The following POU2AF2 variants were observed in gnomAD, a reference collection of about 807,000 sequenced individuals.
POU2AF2 encodes POU domain class 2-associating factor 2.
the POU2AF2 span, among the ~76,000 whole-genome samples, chr11:111,282,885 C>A: frequency 2.6e-5 from 4 of 152,094 alleles, no homozygotes; most frequent in Non-Finnish European, 4.4e-5. Flanking sequence ...AAGTCTATGC[C>A]CTCAAACATG....
chr11:111,276,445 A>ATATAT, the POU2AF2 span, among the ~76,000 whole-genome samples: 8 of 29,696 alleles, frequency 2.7e-4, no homozygotes, highest in African/African-American at 7.2e-4. Context: ...AAAAGAAAAA[A>ATATAT]AAAAAAAAAT....
At chr11:111,280,057 A>AAAATATAT in the POU2AF2 span, among the ~76,000 whole-genome samples, 8 of 76,474 alleles carry the variant, frequency 1.0e-4, no homozygotes, top group African/African-American at 2.5e-4. Flanking sequence ...AAAAAAAAAA[A>AAAATATAT]ATATATATAT....
the POU2AF2 span, among the ~76,000 whole-genome samples, chr11:111,252,379 C>T: frequency 6.6e-6 from 1 of 152,088 alleles, no homozygotes; most frequent in African/African-American, 2.4e-5. Flanking sequence ...GGAGTAGGGT[C>T]GGCGAATTTG....
chr11:111,281,441 G>T, the POU2AF2 span: 2 of 1,613,728 alleles, frequency 1.2e-6, no homozygotes, highest in Admixed American at 1.7e-5. Context: ...CAGATGCCAG[G>T]TGAGTACTTT....
chr11:111,282,754 G>T, the POU2AF2 span, among the ~76,000 whole-genome samples: 2 of 152,166 alleles, frequency 1.3e-5, no homozygotes, highest in African/African-American at 2.4e-5. Context: ...AGGAAGACAG[G>T]CACTTATATC....
the POU2AF2 span, among the ~76,000 whole-genome samples, chr11:111,281,632 T>C: frequency 1.3e-5 from 2 of 152,226 alleles, no homozygotes; most frequent in African/African-American, 4.8e-5. Context: ...CATTTTGTCT[T>C]GAAAGCAGCC....
chr11:111,265,749 G>A, the POU2AF2 span, among the ~76,000 whole-genome samples: 14 of 152,030 alleles, frequency 9.2e-5, no homozygotes, highest in Admixed American at 8.5e-4. Flanking sequence ...CTGGATAGCA[G>A]CCTTGAAAGT....
chr11:111,284,295 A>T, the POU2AF2 span: 1 of 1,613,420 alleles, frequency 6.2e-7, no homozygotes, highest in Non-Finnish European at 8.5e-7. Context: ...CTGACGCCCA[A>T]CGCGGGCTCT....
At chr11:111,263,107 T>C in the POU2AF2 span, among the ~76,000 whole-genome samples, 2 of 152,218 alleles carry the variant, frequency 1.3e-5, no homozygotes, top group African/African-American at 4.8e-5. Context: ...ACTATAGCCC[T>C]CATGTTGTAT....
chr11:111,265,625 A>G, the POU2AF2 span, among the ~76,000 whole-genome samples: 1 of 152,316 alleles, frequency 6.6e-6, no homozygotes, highest in Middle Eastern at 3.4e-3. Context: ...GTAAATGCTC[A>G]GCATATGGCA....
chr11:111,278,394 C>T, the POU2AF2 span, among the ~76,000 whole-genome samples: 8 of 152,318 alleles, frequency 5.3e-5, no homozygotes, highest in South Asian at 1.7e-3. Flanking sequence ...TGCAATTGCA[C>T]GTTTGCATTC....
chr11:111,256,477 T>A, the POU2AF2 span, among the ~76,000 whole-genome samples: 25 of 152,330 alleles, frequency 1.6e-4, no homozygotes, highest in African/African-American at 5.5e-4. Flanking sequence ...TAAATCACAG[T>A]CAATAAATGC....
the POU2AF2 span, among the ~76,000 whole-genome samples, chr11:111,250,180 G>A: frequency 1.3e-5 from 2 of 152,068 alleles, no homozygotes; most frequent in African/African-American, 2.4e-5. Flanking sequence ...TTTTGGGGGG[G>A]TTGGGGGGTG....
chr11:111,279,396 T>C, the POU2AF2 span, among the ~76,000 whole-genome samples: 1 of 152,210 alleles, frequency 6.6e-6, no homozygotes, highest in South Asian at 2.1e-4. Flanking sequence ...TATCATCTCA[T>C]AGATAGCTCT....
chr11:111,279,353 C>A, the POU2AF2 span, among the ~76,000 whole-genome samples: 68 of 152,256 alleles, frequency 4.5e-4, no homozygotes, highest in African/African-American at 1.6e-3. Context: ...TAACAAGTTA[C>A]CACAAATGGG....
the POU2AF2 span, among the ~76,000 whole-genome samples, chr11:111,251,153 T>G: frequency 6.6e-6 from 1 of 152,190 alleles, no homozygotes; most frequent in Non-Finnish European, 1.5e-5. Context: ...TCTACATTAC[T>G]GTAGAAATTG....
At chr11:111,279,386 T>C in the POU2AF2 span, among the ~76,000 whole-genome samples, 1 of 152,244 alleles carries the variant, frequency 6.6e-6, no homozygotes, top group Non-Finnish European at 1.5e-5. Context: ...AACAGAAATG[T>C]ATCATCTCAT....
the POU2AF2 span, chr11:111,285,523 C>A: frequency 1.1e-6 from 1 of 929,510 alleles, no homozygotes; most frequent in Non-Finnish European, 1.6e-6. Flanking sequence ...GAAGAGCAGC[C>A]TGAGAGCCAG....
the POU2AF2 span, among the ~76,000 whole-genome samples, chr11:111,264,865 A>AGAAG: frequency 2.8e-5 from 4 of 142,310 alleles, no homozygotes; most frequent in African/African-American, 5.1e-5. Context: ...GAAAAGAGAC[A>AGAAG]GAAGGAAGGA....
Sources: gnomAD v4.1 joint callset for allele counts (sites outside exome capture counted in the v4.1 genomes callset) on GRCh38, gnomAD v4.1.1 for gene constraint, MANE v1.5 for transcripts, NCBI Gene and HGNC (gene_info 2026-07-23, HGNC 2026-07-21) for gene names.